Variants in ARFGAP3 observed in about 807,000 individuals in gnomAD.
ARFGAP3 encodes ADP-ribosylation factor GTPase-activating protein 3.
ARFGAP3 carries 72 observed loss-of-function variants against 75.0 expected under a neutral mutation model. The observed-to-expected ratio is 0.96, with a 90% CI of 0.79 to 1.17. The LOEUF (loss-of-function observed/expected upper bound fraction) is 1.17. ARFGAP3 is among the 50% of genes most tolerant of loss of function. The pLI, the probability that ARFGAP3 is intolerant of heterozygous loss-of-function variation, is 0.00. For missense variants in ARFGAP3, 620 were observed against 626.6 expected, an observed-to-expected ratio of 0.99 and a Z score of 0.11; for synonymous variants, 221 against 217.9, an observed-to-expected ratio of 1.01 and a Z score of -0.13.
intron 9 of ARFGAP3, 107 bp from the exon 10 acceptor site, chr22:42,817,964 C>A: frequency 7.7e-7 from 1 of 1,303,822 alleles, no homozygotes; most frequent in Non-Finnish European, 9.9e-7. Flanking sequence ...CTTCATGATT[C>A]TTTCCATAAT....
In ARFGAP3 at chr22:42,817,864, GA is replaced by G. The variant is rs761845180; in HGVS notation, c.813-8del. 34 of 1,586,824 alleles carry G rather than the reference GA, an allele frequency of 2.1e-5. No homozygotes were observed. The Admixed American group carries it at 2.3e-4, about 11-fold the overall frequency. ...TAATCGTAATGATGAAACACTGCCA[GA>G]AAAACCAAATACTCCTTAATTTAGC... On this transcript the variant is annotated splice_region_variant and splice_polypyrimidine_tract_variant and intron_variant, in intron 9 of 15. Coordinates refer to ENST00000263245, the MANE Select transcript of ARFGAP3 (RefSeq NM_014570.5).
At position 42,840,980 on chromosome 22, in the gene ARFGAP3, C is replaced by T. The variant is rs1461125784; in HGVS notation, c.225G>A (p.Gln75=). 3 of 1,614,174 alleles carry T rather than the reference C, an allele frequency of 1.9e-6. No individual in the cohort carries two copies. Among genetic ancestry groups the T allele is most frequent in the Non-Finnish European group, 2.5e-6 (3 of 1,180,028 alleles). The change falls in exon 3 of 16, where the codon CAG becomes CAA. Residue 75 remains glutamine, a synonymous_variant. Coordinates refer to ENST00000263245, the MANE Select transcript of ARFGAP3 (RefSeq NM_014570.5). ...TTCCTCCGACTTGCATGCATCGCAA[C>T]TGAAACCATGACCAGTTGGAATCCA... is the stretch of plus-strand genomic sequence containing the variant. ...TELDSNWSWF[Q]LRCMQVGGNA... is the part of the protein sequence containing the mutation.
chr22:42,836,462 C>T (rs1926525860), intron 3 of ARFGAP3, among the ~76,000 whole-genome samples: 1 of 152,076 alleles, frequency 6.6e-6, no homozygotes, highest in Non-Finnish European at 1.5e-5. Flanking sequence ...AAAATGGATT[C>T]CAGTAAATCA....
rs187093790 is a variant in ARFGAP3, at chr22:42,806,630, G to A, written c.1411+443C>T. ...GCACTTCACATTGCTCATTTAAGCC[G>A]CATGACAACCTTGTGAGGTGGTTTT... On this transcript the variant is annotated intron_variant, in intron 14 of 15. Coordinates refer to ENST00000263245, the MANE Select transcript of ARFGAP3 (RefSeq NM_014570.5). Among the ~76,000 whole-genome samples, 21 of 152,354 alleles carry A rather than the reference G, an allele frequency of 1.4e-4. No homozygotes were observed. In the East Asian group the frequency reaches 2.7e-3, roughly 20 times the overall value.
rs7293080 is a variant in ARFGAP3 at position 42,830,643 on chromosome 22, A to C, written c.565+906T>G. 5.1e-3 allele frequency among the ~76,000 whole-genome samples: 774 copies of C among 152,370 alleles called. 4 individuals carry two copies. The highest frequency in any genetic ancestry group is 0.018 in the African/African-American group (738 of 41,580). ...TTAAAACAGAAAGAGCTGACTACTCATGTCACAAGTGATTTTTAATATGTA... is the reference window on the plus strand; with the variant it reads ...TTAAAACAGAAAGAGCTGACTACTCCTGTCACAAGTGATTTTTAATATGTA... On this transcript the variant is annotated intron_variant, in intron 6 of 15. Transcript: ENST00000263245.
At position 42,796,748 on chromosome 22, in the gene ARFGAP3, A is replaced by G. The variant is rs541691290; in HGVS notation, c.*840T>C. ...AATTTCTGAAAAGCAAGATTTAAAA[A>G]TATTTATTAACAAAACTACCCAATT... On this transcript the variant is annotated 3_prime_UTR_variant, in exon 16 of 16. Coordinates refer to ENST00000263245, the MANE Select transcript of ARFGAP3 (RefSeq NM_014570.5). The G allele has an allele frequency of 6.6e-6, 1 of 152,358 alleles. No individual in the cohort carries two copies. Among genetic ancestry groups the G allele is most frequent in the Admixed American group, 6.5e-5 (1 of 15,308 alleles). 9.4% of individuals were successfully genotyped at this position (152,358 alleles called of 1,614,324 possible). A position where few individuals can be genotyped will look rare whatever the true frequency, so the allele number is the denominator to read the frequency against.
At chr22:42,806,958 A>C in intron 14 of ARFGAP3, 115 bp downstream of exon 14, 1 of 1,061,032 alleles carries the variant, frequency 9.4e-7, no homozygotes, top group East Asian at 2.7e-5. Context: ...AGCAGAGATC[A>C]GAGCATCGAA....
intron 9 of ARFGAP3, among the ~76,000 whole-genome samples, chr22:42,818,431 G>C (rs1170574107): frequency 6.6e-6 from 1 of 152,102 alleles, no homozygotes; most frequent in Non-Finnish European, 1.5e-5. Flanking sequence ...TCAGCTAATA[G>C]ACTCTTTAGC....
intron 9 of ARFGAP3, among the ~76,000 whole-genome samples, chr22:42,819,350 G>C (rs1233545642): frequency 6.6e-6 from 1 of 152,200 alleles, no homozygotes; most frequent in Non-Finnish European, 1.5e-5. Context: ...TTCTGGAGAA[G>C]ATGCATGGGG....
intron 4 of ARFGAP3, 81 bp from the exon 5 acceptor site, chr22:42,834,406 G>GT: frequency 6.4e-7 from 1 of 1,555,384 alleles, no homozygotes; most frequent in Non-Finnish European, 8.7e-7. Context: ...ACTTCCCTTA[G>GT]AGACCTGTTT....
intron 14 of ARFGAP3, among the ~76,000 whole-genome samples, chr22:42,804,041 C>G (rs1925003201): frequency 6.6e-6 from 1 of 151,032 alleles, no homozygotes; most frequent in Non-Finnish European, 1.5e-5. Flanking sequence ...GTAGCTGGGA[C>G]TACAGGTGTG....
At chr22:42,801,167 G>A (rs1045099682) in intron 14 of ARFGAP3, among the ~76,000 whole-genome samples, 1 of 152,184 alleles carries the variant, frequency 6.6e-6, no homozygotes, top group Non-Finnish European at 1.5e-5. Flanking sequence ...AGGAGGGAAC[G>A]GGCTGAGCGT....
intron 12 of ARFGAP3, among the ~76,000 whole-genome samples, chr22:42,809,702 C>G (rs1010633862): frequency 3.3e-5 from 5 of 151,936 alleles, no homozygotes; most frequent in African/African-American, 4.8e-5. Context: ...TAAATAATAC[C>G]TTAAAATTGG....
At chr22:42,832,583 C>G (rs547445974) in intron 5 of ARFGAP3, among the ~76,000 whole-genome samples, 13 of 151,662 alleles carry the variant, frequency 8.6e-5, no homozygotes, top group African/African-American at 3.1e-4. Flanking sequence ...ATAGATTGAG[C>G]AAGAGTTCAA....
chr22:42,837,944 T>C (rs1014968869), intron 3 of ARFGAP3, among the ~76,000 whole-genome samples: 1 of 151,182 alleles, frequency 6.6e-6, no homozygotes, highest in Non-Finnish European at 1.5e-5. Flanking sequence ...AGTTCTGGGA[T>C]TACAGGTAGG....
At chr22:42,835,619 G>C in intron 3 of ARFGAP3, 126 bp from the exon 4 acceptor site, 2 of 1,021,614 alleles carry the variant, frequency 2.0e-6, no homozygotes, top group Non-Finnish European at 1.4e-6. Context: ...CGGGAGATCA[G>C]TACCATCCTG....
intron 14 of ARFGAP3, among the ~76,000 whole-genome samples, chr22:42,802,239 G>A (rs1383276504): frequency 2.0e-5 from 3 of 151,980 alleles, no homozygotes; most frequent in South Asian, 2.1e-4. Flanking sequence ...ATGGTGTGAC[G>A]TGGGAGGTGG....
At chr22:42,835,577 T>TG in intron 3 of ARFGAP3, 84 bp from the exon 4 acceptor site, 2 of 1,497,368 alleles carry the variant, frequency 1.3e-6, no homozygotes, top group Non-Finnish European at 1.8e-6. Flanking sequence ...ATCCCAGCAC[T>TG]CTGGGAGGCC....
In ARFGAP3 at chr22:42,845,617, T is replaced by C. The variant is rs151121120; in HGVS notation, c.188+1897A>G. Among the ~76,000 whole-genome samples, 464 of 150,664 alleles carry C rather than the reference T, an allele frequency of 3.1e-3. 2 individuals are homozygous for C. The highest frequency in any genetic ancestry group is 4.5e-3 in the Non-Finnish European group (305 of 67,806). On this transcript the variant is annotated intron_variant, in intron 2 of 15. Coordinates refer to ENST00000263245, the MANE Select transcript of ARFGAP3 (RefSeq NM_014570.5). ...AGACAGTCTTTTCAACAAATGGTGATGGAAAAACTAGGTATCCGCATACAA... is the reference window on the plus strand; with the variant it reads ...AGACAGTCTTTTCAACAAATGGTGACGGAAAAACTAGGTATCCGCATACAA...
Sources: allele counts gnomAD v4.1 joint callset (sites outside exome capture counted in the v4.1 genomes callset), GRCh38; gene constraint gnomAD v4.1.1; transcripts MANE v1.5; gene names NCBI Gene and HGNC (gene_info 2026-07-23, HGNC 2026-07-21).